Variants in ABCG5 observed in about 807,000 individuals in gnomAD.
The protein encoded by ABCG5 is ATP binding cassette subfamily G member 5.
ABCG5 carries 64 observed loss-of-function variants against 64.5 expected under a neutral mutation model. The ratio of observed to expected loss-of-function variants is 0.99; its 90% CI spans 0.81 to 1.22. The LOEUF is 1.22. Among genes scored for constraint, ABCG5 ranks in the 50% most tolerant of loss-of-function variants. The pLI, the probability that ABCG5 is intolerant of heterozygous loss-of-function variation, is 0.00. For missense variants in ABCG5, 908 were observed against 829.5 expected, an observed-to-expected ratio of 1.09 and a Z score of -1.16; for synonymous variants, 385 against 326.3, an observed-to-expected ratio of 1.18 and a Z score of -1.94.
chr2:43,820,029 A>G lies in ABCG5; in HGVS notation c.1535T>C (p.Ile512Thr), dbSNP rs369647073. 2.2e-5 allele frequency: 36 copies of G among 1,614,094 alleles called. No homozygotes were observed. In the East Asian group the frequency reaches 3.8e-4, roughly 17 times the overall value. The change falls in exon 11 of 13, where the codon ATT becomes ACT. Residue 512 changes from isoleucine (I) to threonine (T), a missense_variant. Coordinates refer to ENST00000405322, the MANE Select transcript of ABCG5 (RefSeq NM_022436.3). ...FSAALLAPHL[I>T]GEFLTLVLLG... ...TAGCACAAGAGTTAGAAATTCACCA[A>G]TTAAGTGGGGGGCCAAGAGAGCAGC...
At chr2:43,824,578 ATACTT>A (rs1558744913) in intron 7 of ABCG5, 146 bp from the exon 8 acceptor site, 4 of 1,548,922 alleles carry the variant, frequency 2.6e-6, no homozygotes, top group Non-Finnish European at 2.6e-6. Flanking sequence ...TAAAATCAGA[ATACTT>A]TAAAGCATCC....
intron 2 of ABCG5, among the ~76,000 whole-genome samples, chr2:43,837,094 T>G (rs1668320363): frequency 6.7e-6 from 1 of 149,808 alleles, no homozygotes; most frequent in South Asian, 2.1e-4. Context: ...TGTTAATACA[T>G]GAACTTTTAA....
At chr2:43,806,605 A>C in the ABCG5 span, among the ~76,000 whole-genome samples, 1 of 152,198 alleles carries the variant, frequency 6.6e-6, no homozygotes, top group Non-Finnish European at 1.5e-5. Context: ...ATCCCTGATT[A>C]ATATTTATCT....
In ABCG5 at chr2:43,819,948, A is replaced by G. The variant is rs1558730921; in HGVS notation, c.1616T>C (p.Ile539Thr). 3.1e-6 allele frequency: 5 copies of G among 1,614,170 alleles called. No homozygotes were observed. The highest frequency in any genetic ancestry group is 1.6e-4 in the Middle Eastern group (1 of 6,062). ...IVNSVVALLS[I>T]AGVLVGSGFL... ...TCCAGATCCAACAAGCACCCCCGCA[A>G]TGGACAGCAGAGCCACTACACTGTT... The change falls in exon 11 of 13, where the codon ATT becomes ACT. Residue 539 changes from isoleucine to threonine, a missense_variant. Transcript: ENST00000405322.
chr2:43,834,531 A>C (rs761630258), intron 2 of ABCG5, among the ~76,000 whole-genome samples: 1 of 152,174 alleles, frequency 6.6e-6, no homozygotes, highest in Non-Finnish European at 1.5e-5. Context: ...TAATGAATTT[A>C]GTTTTTTAAA....
intron 11 of ABCG5, 105 bp downstream of exon 11, chr2:43,819,810 C>T (rs1667070250): frequency 8.1e-7 from 1 of 1,235,924 alleles, no homozygotes; most frequent in African/African-American, 1.5e-5. Flanking sequence ...AGGTAATATC[C>T]ATAACCACTA....
Position 43,837,825 on chromosome 2 carries a change from C to G in ABCG5, c.265+9G>C. On this transcript the variant is annotated intron_variant, in intron 2 of 12. Transcript: ENST00000405322. ...AAATCCTTTTTAGAATCCTCCTTCC[C>G]AAGCTTACCTGAGCTTCCTAGGATG... The G allele has an allele frequency of 6.2e-7, 1 of 1,613,824 alleles. No homozygotes were observed. Among genetic ancestry groups the G allele is most frequent in the Non-Finnish European group, 8.5e-7 (1 of 1,179,892 alleles).
At chr2:43,823,603 G>A (rs1431217229) in intron 9 of ABCG5, among the ~76,000 whole-genome samples, 1 of 152,160 alleles carries the variant, frequency 6.6e-6, no homozygotes, top group Non-Finnish European at 1.5e-5. Context: ...CCCATGGGCT[G>A]TGCATCTGAG....
chr2:43,837,770 G>T, intron 2 of ABCG5, 64 bp downstream of exon 2: 1 of 1,606,390 alleles, frequency 6.2e-7, no homozygotes, highest in African/African-American at 1.3e-5. Context: ...AACTTAATCT[G>T]TTTCTTCAAT....
intron 11 of ABCG5, among the ~76,000 whole-genome samples, chr2:43,814,953 T>C (rs1334263570): frequency 6.6e-6 from 1 of 152,228 alleles, no homozygotes. Flanking sequence ...TAGGCACAGC[T>C]TGGTGGCCTG....
At position 43,832,084 on chromosome 2, in the gene ABCG5, C is replaced by T; in HGVS notation, c.266-1G>A. On this transcript the variant is annotated splice_acceptor_variant, in intron 2 of 12. Coordinates refer to ENST00000405322, the MANE Select transcript of ABCG5 (RefSeq NM_022436.3). LOFTEE classifies it high-confidence loss of function. The stretch of plus-strand genomic sequence containing the variant: ...TCCAGCAGCGTGGTTTTCCCGGAGC[C>T]TGCGGGGCGACAACAGAAGGCCCTA... 2 of 1,576,818 alleles carry T rather than the reference C, an allele frequency of 1.3e-6. No homozygotes were observed. The highest frequency in any genetic ancestry group is 1.2e-5 in the South Asian group (1 of 85,710).
chr2:43,837,824 C>T lies in ABCG5; in HGVS notation c.265+10G>A, dbSNP rs140341571. The T allele has an allele frequency of 7.6e-5, 123 of 1,613,780 alleles. 1 individual carries two copies. The African/African-American group carries it at 1.2e-3, about 15-fold the overall frequency. Reference sequence around the variant, plus strand: ...CAAATCCTTTTTAGAATCCTCCTTCCCAAGCTTACCTGAGCTTCCTAGGAT... The same window carrying T: ...CAAATCCTTTTTAGAATCCTCCTTCTCAAGCTTACCTGAGCTTCCTAGGAT... On this transcript the variant is annotated intron_variant, in intron 2 of 12. Transcript: ENST00000405322.
chr2:43,825,583 T>A (rs1198031666), intron 6 of ABCG5, among the ~76,000 whole-genome samples: 1 of 151,906 alleles, frequency 6.6e-6, no homozygotes, highest in Non-Finnish European at 1.5e-5. Flanking sequence ...TGATCTTGGC[T>A]TAATTTGTTG....
intron 4 of ABCG5, among the ~76,000 whole-genome samples, chr2:43,828,653 C>A (rs1296566458): frequency 2.0e-5 from 3 of 151,756 alleles, no homozygotes; most frequent in Admixed American, 2.0e-4. Context: ...CAGAGCAAGA[C>A]CCTGTCTCTA....
chr2:43,832,078 C>CG lies in ABCG5; in HGVS notation c.270dup (p.Gly91ArgfsTer107). ...ATGGCGTCCAGCAGCGTGGTTTTCC[C>CG]GGAGCCTGCGGGGCGACAACAGAAG... On this transcript the variant is annotated frameshift_variant, in exon 3 of 13. Transcript: ENST00000405322. LOFTEE classifies it high-confidence loss of function. The CG allele has an allele frequency of 6.3e-7, 1 of 1,578,214 alleles. No homozygotes were observed. Among genetic ancestry groups the CG allele is most frequent in the Admixed American group, 1.8e-5 (1 of 54,802 alleles).
downstream of ABCG5, chr2:43,810,389 A>C (rs1314461195): frequency 1.0e-6 from 1 of 985,250 alleles, no homozygotes; most frequent in Non-Finnish European, 1.2e-6. Context: ...AGGCACATCT[A>C]AGGAGATATC....
At chr2:43,810,608 G>A (rs1003485460), downstream of ABCG5, 18 of 796,130 alleles carry the variant, frequency 2.3e-5, no homozygotes, top group Non-Finnish European at 2.7e-5. Flanking sequence ...CCCAGCTTCA[G>A]ATAAGCACAT....
chr2:43,821,481 C>A (rs534460450), intron 10 of ABCG5, among the ~76,000 whole-genome samples: 4 of 152,312 alleles, frequency 2.6e-5, no homozygotes, highest in African/African-American at 9.6e-5. Flanking sequence ...TCTGAGGACA[C>A]CCTCTCTGAG....
Position 43,812,691 on chromosome 2 carries a change from C to G in ABCG5, c.*425G>C, listed in dbSNP as rs1666544889. 5.0e-6 allele frequency: 1 copy of G among 201,162 alleles called. No individual in the cohort carries two copies. Among genetic ancestry groups the G allele is most frequent in the Non-Finnish European group, 1.0e-5 (1 of 97,680 alleles). 12.5% of individuals were successfully genotyped at this position (201,162 alleles called of 1,614,324 possible). ...ATGATAACCTTGCTTCATCTAAACC[C>G]ACAACTCTCTTTCTCTGTCACTTAT... On this transcript the variant is annotated 3_prime_UTR_variant, in exon 13 of 13. Transcript: ENST00000405322.
Sources: allele counts gnomAD v4.1 joint callset (sites outside exome capture counted in the v4.1 genomes callset), GRCh38; gene constraint gnomAD v4.1.1; transcripts MANE v1.5; gene names NCBI Gene and HGNC (gene_info 2026-07-23, HGNC 2026-07-21).